Variants in RNGTT observed in about 807,000 individuals in gnomAD.
RNGTT encodes the protein mRNA-capping enzyme.
In RNGTT, 33 loss-of-function variants were observed where a neutral mutation model predicts 79.3. The ratio of observed to expected loss-of-function variants is 0.42; its 90% CI spans 0.32 to 0.56. The LOEUF (loss-of-function observed/expected upper bound fraction) is 0.56. Ranked by LOEUF, RNGTT falls within the 20% of genes least tolerant of loss-of-function variation. The pLI, the probability that RNGTT is intolerant of heterozygous loss-of-function variation, is 0.17. For missense variants in RNGTT, 497 were observed against 739.1 expected (o/e 0.67, Z 3.80); for synonymous variants, 222 against 235.9 (o/e 0.94, Z 0.54).
At chr6:88,817,836 T>A (rs1004249022) in intron 11 of RNGTT, among the ~76,000 whole-genome samples, 1 of 138,590 alleles carries the variant, frequency 7.2e-6, no homozygotes, top group Non-Finnish European at 1.5e-5. Flanking sequence ...CTCGGCTCAC[T>A]GCAAGCTCCG....
At chr6:88,754,020 T>C (rs532748844) in intron 13 of RNGTT, among the ~76,000 whole-genome samples, 95 of 152,272 alleles carry the variant, frequency 6.2e-4, no homozygotes, top group African/African-American at 2.2e-3. Flanking sequence ...AACATTCTTG[T>C]CATAATTTAT....
intron 2 of RNGTT, among the ~76,000 whole-genome samples, chr6:88,939,473 G>A (rs1784777090): frequency 6.6e-6 from 1 of 151,810 alleles, no homozygotes; most frequent in Non-Finnish European, 1.5e-5. Flanking sequence ...ATCTATCTCT[G>A]GTAAACTTAT....
chr6:88,786,946 C>T (rs1779247446), intron 12 of RNGTT, among the ~76,000 whole-genome samples: 1 of 152,140 alleles, frequency 6.6e-6, no homozygotes, highest in Non-Finnish European at 1.5e-5. Flanking sequence ...GCTCCCTTGC[C>T]CCTTCTGCCA....
chr6:88,819,104 C>A (rs1780419596), intron 11 of RNGTT, among the ~76,000 whole-genome samples: 1 of 152,014 alleles, frequency 6.6e-6, no homozygotes, highest in East Asian at 1.9e-4. Flanking sequence ...ATTATAACAT[C>A]TATGAGACCT....
intron 13 of RNGTT, among the ~76,000 whole-genome samples, chr6:88,736,680 T>A (rs766068673): frequency 6.6e-6 from 1 of 152,212 alleles, no homozygotes; most frequent in Non-Finnish European, 1.5e-5. Context: ...GAGGGCTTTC[T>A]GAGGAGAACA....
At chr6:88,848,314 C>T (rs1048869554) in intron 10 of RNGTT, among the ~76,000 whole-genome samples, 1 of 151,880 alleles carries the variant, frequency 6.6e-6, no homozygotes, top group Non-Finnish European at 1.5e-5. Flanking sequence ...ACACTAATGA[C>T]GGAACAGAGT....
chr6:88,610,387 T>A lies in RNGTT; in HGVS notation c.*2332A>T, dbSNP rs1176942978. On this transcript the variant is annotated 3_prime_UTR_variant, in exon 16 of 16. Coordinates refer to ENST00000369485, the MANE Select transcript of RNGTT (RefSeq NM_003800.5). The stretch of plus-strand genomic sequence containing the variant: ...AAATGTAACCATCCACGCAGTAGAG[T>A]CATCCACACCTTTTCCTAACAAAAA... 2.6e-5 allele frequency: 4 copies of A among 152,598 alleles called. No homozygotes were observed. The highest frequency in any genetic ancestry group is 4.4e-5 in the Non-Finnish European group (3 of 68,044). The allele number at this position is 152,598 out of a possible 1,614,324, so 9.5% of individuals were successfully genotyped here.
intron 14 of RNGTT, among the ~76,000 whole-genome samples, chr6:88,670,810 G>C (rs1774609549): frequency 6.6e-6 from 1 of 151,588 alleles, no homozygotes; most frequent in South Asian, 2.1e-4. Flanking sequence ...AGAGTTGTAA[G>C]CTCTTAAAAG....
At chr6:88,683,544 T>C (rs1169705653) in intron 13 of RNGTT, among the ~76,000 whole-genome samples, 3 of 152,098 alleles carry the variant, frequency 2.0e-5, no homozygotes, top group Non-Finnish European at 2.9e-5. Context: ...TAGAAAAGAA[T>C]ATTTCCCAAT....
chr6:88,794,240 T>C (rs1779516520), intron 12 of RNGTT, among the ~76,000 whole-genome samples: 1 of 152,220 alleles, frequency 6.6e-6, no homozygotes, highest in Admixed American at 6.5e-5. Flanking sequence ...GTTATTGTTT[T>C]AGGGAAGAAT....
chr6:88,802,989 A>G (rs1779837907), intron 11 of RNGTT, among the ~76,000 whole-genome samples: 1 of 152,192 alleles, frequency 6.6e-6, no homozygotes, highest in Non-Finnish European at 1.5e-5. Flanking sequence ...TGAAAGCACT[A>G]TGCTTAAAGA....
At chr6:88,825,163 T>A (rs934121488) in intron 11 of RNGTT, among the ~76,000 whole-genome samples, 1 of 152,228 alleles carries the variant, frequency 6.6e-6, no homozygotes, top group African/African-American at 2.4e-5. Flanking sequence ...TCAGTTATCA[T>A]AGAGCATACA....
chr6:88,876,712 T>C (rs1438242273), intron 8 of RNGTT, among the ~76,000 whole-genome samples: 2 of 152,222 alleles, frequency 1.3e-5, no homozygotes, highest in Non-Finnish European at 1.5e-5. Flanking sequence ...CCCAGCTCTA[T>C]ATAGGGGAAA....
intron 13 of RNGTT, among the ~76,000 whole-genome samples, chr6:88,686,286 A>C (rs1775275093): frequency 6.6e-6 from 1 of 152,006 alleles, no homozygotes; most frequent in Non-Finnish European, 1.5e-5. Flanking sequence ...AAGAAAACCT[A>C]AGTAAATGAA....
At chr6:88,639,535 C>T (rs1773228794) in intron 14 of RNGTT, among the ~76,000 whole-genome samples, 2 of 152,110 alleles carry the variant, frequency 1.3e-5, no homozygotes, top group African/African-American at 4.8e-5. Context: ...TACACCACTC[C>T]CAAATAAAAA....
intron 4 of RNGTT, among the ~76,000 whole-genome samples, chr6:88,911,535 T>C (rs1254574853): frequency 6.6e-6 from 1 of 152,114 alleles, no homozygotes; most frequent in Non-Finnish European, 1.5e-5. Context: ...TTTTTAATCT[T>C]AATCATGCCA....
intron 13 of RNGTT, among the ~76,000 whole-genome samples, chr6:88,724,952 G>A (rs1404296054): frequency 6.6e-6 from 1 of 152,104 alleles, no homozygotes; most frequent in Non-Finnish European, 1.5e-5. Context: ...GGGGCCACAT[G>A]GTCACGGATA....
intron 10 of RNGTT, 137 bp from the exon 11 acceptor site, chr6:88,844,658 A>G: frequency 1.0e-5 from 7 of 698,938 alleles, no homozygotes; most frequent in Non-Finnish European, 1.6e-5. Context: ...AGCGTGCACA[A>G]ACATATATAC....
chr6:88,726,041 GAGAT>G (rs987608699), intron 13 of RNGTT, among the ~76,000 whole-genome samples: 2 of 152,116 alleles, frequency 1.3e-5, no homozygotes, highest in South Asian at 2.1e-4. Context: ...GAGTCAAAGA[GAGAT>G]AGAGAGATAG....
Sources: allele counts gnomAD v4.1 joint callset (sites outside exome capture counted in the v4.1 genomes callset), GRCh38; gene constraint gnomAD v4.1.1; transcripts MANE v1.5; gene names NCBI Gene and HGNC (gene_info 2026-07-23, HGNC 2026-07-21).